Variants in R3HDM2 observed in about 807,000 individuals in gnomAD.
R3HDM2 encodes the protein R3H domain containing 2, also known as R3H domain-containing protein 2.
In R3HDM2, 38 loss-of-function variants were observed where a neutral mutation model predicts 124.5. The ratio of observed to expected loss-of-function variants is 0.31; its 90% CI spans 0.24 to 0.40. R3HDM2 has a LOEUF of 0.40. R3HDM2 is among the 10% of genes least tolerant of loss of function. R3HDM2 has a pLI of 1.00. For synonymous variants in R3HDM2, 391 were observed against 448.0 expected (o/e 0.87, Z 1.61); for missense variants, 869 against 1,236.9 (o/e 0.70, Z 4.46).
chr12:57,392,962 G>A (rs1161139290), intron 2 of R3HDM2, among the ~76,000 whole-genome samples: 6 of 151,504 alleles, frequency 4.0e-5, no homozygotes, highest in Non-Finnish European at 8.8e-5. Flanking sequence ...CTGCCACCAC[G>A]CCCAGCTAAT....
At chr12:57,358,419 T>C (rs868234892) in intron 2 of R3HDM2, among the ~76,000 whole-genome samples, 1 of 152,124 alleles carries the variant, frequency 6.6e-6, no homozygotes, top group Non-Finnish European at 1.5e-5. Flanking sequence ...GGTGGATCAC[T>C]TGAGGCCAGG....
intron 1 of R3HDM2, among the ~76,000 whole-genome samples, chr12:57,421,864 A>AG (rs1444838597): frequency 2.0e-5 from 3 of 152,096 alleles, no homozygotes; most frequent in African/African-American, 4.8e-5. Context: ...TGGGAGGCCA[A>AG]GGGGGGCGGA....
intron 1 of R3HDM2, among the ~76,000 whole-genome samples, chr12:57,414,420 G>A (rs1233185037): frequency 6.9e-6 from 1 of 145,670 alleles, no homozygotes; most frequent in East Asian, 2.1e-4. Flanking sequence ...GAACCTGGGA[G>A]GCAAAGTTGC....
intron 21 of R3HDM2, 45 bp from the exon 22 acceptor site, chr12:57,256,556 A>C (rs779556612): frequency 1.4e-6 from 2 of 1,414,412 alleles, no homozygotes; most frequent in South Asian, 2.6e-5. Flanking sequence ...TAAGCTTCAT[A>C]GTATGACTTT....
chr12:57,302,816 A>G (rs1260563708), intron 4 of R3HDM2, among the ~76,000 whole-genome samples: 1 of 151,166 alleles, frequency 6.6e-6, no homozygotes, highest in Non-Finnish European at 1.5e-5. Flanking sequence ...AGAAGGGGGA[A>G]TAAAAAGACT....
chr12:57,366,182 T>G (rs1019687241), intron 2 of R3HDM2, among the ~76,000 whole-genome samples: 1 of 152,146 alleles, frequency 6.6e-6, no homozygotes. Flanking sequence ...AGAGACAGGC[T>G]CTCTCTCTGT....
intron 1 of R3HDM2, among the ~76,000 whole-genome samples, chr12:57,425,964 A>T (rs778823646): frequency 6.6e-6 from 1 of 152,236 alleles, no homozygotes; most frequent in Non-Finnish European, 1.5e-5. Flanking sequence ...GCGGTGGCTC[A>T]TGCCTGTAAT....
At chr12:57,417,724 A>G (rs891847829) in intron 1 of R3HDM2, among the ~76,000 whole-genome samples, 3 of 152,240 alleles carry the variant, frequency 2.0e-5, no homozygotes, top group Non-Finnish European at 2.9e-5. Context: ...TGGCACAAGT[A>G]AGTGAGAACT....
chr12:57,291,932 T>C (rs956812506), intron 11 of R3HDM2, among the ~76,000 whole-genome samples: 5 of 152,202 alleles, frequency 3.3e-5, no homozygotes, highest in Non-Finnish European at 5.9e-5. Context: ...AAGAGTAACA[T>C]TGCCTAAACT....
At position 57,296,983 on chromosome 12, in the gene R3HDM2, A is replaced by T; in HGVS notation, c.560+345T>A. ...GGCACAAGAATCACTTGAACCCAGG[A>T]GGCAGAATTGCAGTGAGTCAAGACT... On this transcript the variant is annotated intron_variant, in intron 8 of 23. Coordinates refer to ENST00000402412, the MANE Select transcript of R3HDM2 (RefSeq NM_001394031.1). This position sits in a 1 kb window ranked among gnomAD's most constrained non-coding sequence, Gnocchi z 4.5. 4.4e-6 allele frequency: 1 copy of T among 226,526 alleles called. No individual in the cohort carries two copies. The highest frequency in any genetic ancestry group is 8.7e-6 in the Non-Finnish European group (1 of 115,296). The allele number at this position is 226,526 out of a possible 1,614,324, so 14.0% of individuals were successfully genotyped here.
At chr12:57,388,765 G>A (rs2066251767) in intron 2 of R3HDM2, among the ~76,000 whole-genome samples, 2 of 151,952 alleles carry the variant, frequency 1.3e-5, no homozygotes, top group African/African-American at 2.4e-5. Flanking sequence ...GACTCCACAT[G>A]GAAGAGGCTT....
intron 7 of R3HDM2, chr12:57,297,759 AT>A (rs2050196484): frequency 2.8e-6 from 1 of 362,242 alleles, no homozygotes; most frequent in East Asian, 5.8e-5. Context: ...CAAATCAATT[AT>A]TTTTTCCTTC....
intron 18 of R3HDM2, among the ~76,000 whole-genome samples, chr12:57,267,193 CAG>C (rs2042625091): frequency 6.6e-6 from 1 of 151,358 alleles, no homozygotes; most frequent in South Asian, 2.1e-4. Flanking sequence ...GACACAGACA[CAG>C]AGTGCTAGAA....
chr12:57,317,202 G>T (rs1444162423), intron 2 of R3HDM2, among the ~76,000 whole-genome samples: 19 of 149,036 alleles, frequency 1.3e-4, no homozygotes, highest in Non-Finnish European at 1.8e-4. Context: ...TTTTTTGTTT[G>T]TTTTTTTGTT....
intron 13 of R3HDM2, 36 bp downstream of exon 13, chr12:57,283,788 G>A (rs767546005): frequency 1.3e-6 from 2 of 1,587,034 alleles, no homozygotes; most frequent in African/African-American, 1.3e-5. Context: ...AGCAAGAAGG[G>A]ATGGGTATGA....
At chr12:57,409,575 G>C (rs976965407) in intron 1 of R3HDM2, among the ~76,000 whole-genome samples, 1 of 149,792 alleles carries the variant, frequency 6.7e-6, no homozygotes, top group Non-Finnish European at 1.5e-5. Flanking sequence ...CTACCCAAAG[G>C]AAAAGTCACA....
intron 2 of R3HDM2, among the ~76,000 whole-genome samples, chr12:57,389,510 G>GA (rs1269458391): frequency 3.3e-5 from 5 of 152,160 alleles, no homozygotes; most frequent in Admixed American, 3.3e-4. Context: ...GTCTTGCTGA[G>GA]TTTTTTACAC....
chr12:57,426,821 A>G (rs2070782985), intron 1 of R3HDM2, among the ~76,000 whole-genome samples: 1 of 152,146 alleles, frequency 6.6e-6, no homozygotes, highest in Admixed American at 6.6e-5. Context: ...ACCTTAGAAA[A>G]CCAGGTTTTC....
chr12:57,383,663 A>G (rs2065243355), intron 2 of R3HDM2, among the ~76,000 whole-genome samples: 2 of 151,958 alleles, frequency 1.3e-5, no homozygotes, highest in African/African-American at 4.8e-5. Flanking sequence ...AGCCGAGATC[A>G]TGCACTCCAG....
Sources: allele counts gnomAD v4.1 joint callset (sites outside exome capture counted in the v4.1 genomes callset), GRCh38; gene constraint gnomAD v4.1.1; non-coding constraint Gnocchi (gnomAD v3.1); transcripts MANE v1.5; gene names NCBI Gene and HGNC (gene_info 2026-07-23, HGNC 2026-07-21).